Variants in DOCK1 observed in about 807,000 individuals in gnomAD.
The protein encoded by DOCK1 is dedicator of cytokinesis 1.
A neutral mutation model predicts 262.7 loss-of-function variants in DOCK1; 138 were observed. The observed-to-expected ratio is 0.53, with a 90% CI of 0.46 to 0.61. The LOEUF (loss-of-function observed/expected upper bound fraction) is 0.61, where lower values mean the gene tolerates loss of function less well. Among genes scored for constraint, DOCK1 ranks in the 20% least tolerant of loss-of-function variants. The pLI is 0.00. For missense variants in DOCK1, 1,908 were observed against 2,370.7 expected (o/e 0.80, Z 4.05); for synonymous variants, 866 against 867.4 (o/e 1.00, Z 0.03).
In DOCK1 at chr10:127,374,121, CGTT is replaced by C. The variant is rs1565037300; in HGVS notation, c.3585_3587del (p.Val1196del). ...AAACAGGAGAAACTTTTGTAAAACT[CGTT>C]GTGCGCTTAATGGAAAGGCTTTTGG... is the stretch of plus-strand genomic sequence containing the variant. On this transcript the variant is annotated inframe_deletion, in exon 35 of 52. Coordinates refer to ENST00000623213, the MANE Select transcript of DOCK1 (RefSeq NM_001290223.2). 3.7e-6 allele frequency: 6 copies of C among 1,613,670 alleles called. No homozygotes were observed. Among genetic ancestry groups the C allele is most frequent in the Non-Finnish European group, 3.4e-6 (4 of 1,179,748 alleles).
Position 127,425,926 on chromosome 10 carries a change from C to T in DOCK1, c.4829C>T (p.Ala1610Val), listed in dbSNP as rs772411152. The change falls in exon 47 of 52, where the codon GCA (alanine) becomes GTA (valine). Residue 1610 changes from alanine (A) to valine (V), a missense_variant. Coordinates refer to ENST00000623213, the MANE Select transcript of DOCK1 (RefSeq NM_001290223.2). ...IRIHGDKVTE[A>V]LRPFHERMEA... ...ATCCATGGAGACAAAGTCACGGAGGCACTGAGGCCGTTCCACGAGAGGATG... is the reference window on the plus strand; with the variant it reads ...ATCCATGGAGACAAAGTCACGGAGGTACTGAGGCCGTTCCACGAGAGGATG... The T allele has an allele frequency of 7.4e-6, 12 of 1,614,018 alleles. No individual in the cohort carries two copies. The highest frequency in any genetic ancestry group is 1.0e-5 in the Non-Finnish European group (12 of 1,179,896).
chr10:127,093,242 C>CTTTTTTTTTT (rs200302331), intron 23 of DOCK1, among the ~76,000 whole-genome samples: 2 of 79,314 alleles, frequency 2.5e-5, no homozygotes, highest in Non-Finnish European at 4.4e-5. Flanking sequence ...TTTCTTTCTT[C>CTTTTTTTTTT]TTTTTTTTTT....
chr10:127,245,611 G>T (rs2059407495), intron 27 of DOCK1, among the ~76,000 whole-genome samples: 1 of 152,198 alleles, frequency 6.6e-6, no homozygotes, highest in African/African-American at 2.4e-5. Context: ...TTTGGCATTT[G>T]TTGCCTTGCA....
At chr10:127,361,409 C>T (rs1033238193) in intron 32 of DOCK1, among the ~76,000 whole-genome samples, 16 of 152,120 alleles carry the variant, frequency 1.1e-4, no homozygotes, top group East Asian at 3.9e-4. Flanking sequence ...CCACCACACC[C>T]GGCCTAAAGT....
chr10:127,100,726 G>T lies in DOCK1; in HGVS notation c.2446-5505G>T, dbSNP rs952118685. 1.3e-5 allele frequency among the ~76,000 whole-genome samples: 2 copies of T among 152,018 alleles called. No individual in the cohort carries two copies. The highest frequency in any genetic ancestry group is 4.8e-5 in the African/African-American group (2 of 41,392). On this transcript the variant is annotated intron_variant, in intron 23 of 51. Coordinates refer to ENST00000623213, the MANE Select transcript of DOCK1 (RefSeq NM_001290223.2). This position sits in a 1 kb window ranked among gnomAD's most constrained non-coding sequence, Gnocchi z 5.5. ...TGGCCACCCTGGGAGTGAGGGCCAC[G>T]CGTGCCCCAGAGGTGAGGTGGCCAA...
intron 3 of DOCK1, among the ~76,000 whole-genome samples, chr10:126,981,044 T>G (rs1591522871): frequency 6.9e-6 from 1 of 145,042 alleles, no homozygotes. Context: ...ACTTCCCGGG[T>G]TCAAGCGATT....
chr10:127,016,742 C>CACAA (rs1591662507), intron 12 of DOCK1, among the ~76,000 whole-genome samples: 14 of 145,560 alleles, frequency 9.6e-5, no homozygotes, highest in South Asian at 6.6e-4. Context: ...ACCACACACA[C>CACAA]ACACACTAAC....
chr10:127,277,210 G>T (rs546784527), intron 29 of DOCK1, among the ~76,000 whole-genome samples: 1 of 151,566 alleles, frequency 6.6e-6, no homozygotes, highest in Non-Finnish European at 1.5e-5. Context: ...AAATGTAGAA[G>T]CATTTTATCC....
chr10:127,035,352 C>A (rs1340779655), intron 18 of DOCK1, among the ~76,000 whole-genome samples: 1 of 152,188 alleles, frequency 6.6e-6, no homozygotes, highest in Non-Finnish European at 1.5e-5. Context: ...TGTGATTCCT[C>A]TTCTCAATTA....
chr10:127,439,965 G>C (rs2069985588), intron 49 of DOCK1, among the ~76,000 whole-genome samples: 1 of 152,100 alleles, frequency 6.6e-6, no homozygotes, highest in Non-Finnish European at 1.5e-5. Context: ...GTGTTCGTCT[G>C]TTTTGTGTTA....
chr10:127,023,132 T>C, intron 13 of DOCK1, 68 bp from the exon 14 acceptor site: 1 of 1,561,816 alleles, frequency 6.4e-7, no homozygotes, highest in Non-Finnish European at 8.7e-7. Context: ...GTAGACAGTC[T>C]TGCAAAATTC....
intron 30 of DOCK1, 30 bp from the exon 31 acceptor site, chr10:127,343,616 A>G: frequency 6.4e-7 from 1 of 1,558,706 alleles, no homozygotes; most frequent in Non-Finnish European, 8.8e-7. Context: ...CTGTTCAACA[A>G]CTTAGCATCT....
At chr10:127,259,789 A>AT (rs10534535) in intron 29 of DOCK1, among the ~76,000 whole-genome samples, 50,732 of 144,742 alleles carry the variant, frequency 0.35, 8,797 homozygotes, top group East Asian at 0.45. Flanking sequence ...TTAGTTCATG[A>AT]TTTTTTTTTT....
chr10:126,957,974 A>G (rs2036883540), intron 1 of DOCK1, among the ~76,000 whole-genome samples: 2 of 152,220 alleles, frequency 1.3e-5, no homozygotes, highest in Admixed American at 6.5e-5. Context: ...AAAGGAGCAC[A>G]TAGGATTCCG....
chr10:127,253,882 A>AC (rs934329109), intron 28 of DOCK1, among the ~76,000 whole-genome samples: 19 of 150,172 alleles, frequency 1.3e-4, no homozygotes, highest in Non-Finnish European at 1.9e-4. Context: ...CTCAAAAAAA[A>AC]AAAAAAAAAA....
At chr10:126,978,091 C>A (rs2038683645) in intron 3 of DOCK1, 103 bp downstream of exon 3, 1 of 1,167,572 alleles carries the variant, frequency 8.6e-7, no homozygotes, top group Non-Finnish European at 1.3e-6. Context: ...ACTTCTATAT[C>A]TCTTTCTCTG....
chr10:127,342,307 A>C (rs1006852181), intron 30 of DOCK1, among the ~76,000 whole-genome samples: 4 of 152,116 alleles, frequency 2.6e-5, no homozygotes, highest in African/African-American at 7.2e-5. Flanking sequence ...AACGACTTGT[A>C]TTTTATTGAC....
chr10:127,400,183 CAA>C (rs35762721), intron 38 of DOCK1, among the ~76,000 whole-genome samples: 12 of 143,590 alleles, frequency 8.4e-5, no homozygotes, highest in Non-Finnish European at 1.1e-4. Flanking sequence ...TTACTCTCAT[CAA>C]AAAAAAAAAA....
intron 33 of DOCK1, among the ~76,000 whole-genome samples, chr10:127,371,743 G>A (rs895528715): frequency 6.6e-6 from 1 of 152,144 alleles, no homozygotes; most frequent in Non-Finnish European, 1.5e-5. Context: ...TTTGAAGTCT[G>A]TCTGGATCAT....
Sources: allele counts gnomAD v4.1 joint callset (sites outside exome capture counted in the v4.1 genomes callset), GRCh38; gene constraint gnomAD v4.1.1; non-coding constraint Gnocchi (gnomAD v3.1); transcripts MANE v1.5; gene names NCBI Gene and HGNC (gene_info 2026-07-23, HGNC 2026-07-21).